The following TAFA1 variants were observed in gnomAD, a reference collection of about 807,000 sequenced individuals.
TAFA1 encodes the protein chemokine-like protein TAFA-1.
Under a neutral mutation model 18.5 loss-of-function variants are expected in TAFA1, and 4 were observed. The observed-to-expected ratio is 0.22, with a 90% CI of 0.11 to 0.49. The LOEUF is 0.49. Among genes scored for constraint, TAFA1 ranks in the 20% least tolerant of loss-of-function variants. TAFA1 has a pLI of 0.98. For missense variants in TAFA1, 147 were observed against 169.0 expected (o/e 0.87, Z 0.72); for synonymous variants, 56 against 55.2 (o/e 1.01, Z -0.06).
intron 2 of TAFA1, among the ~76,000 whole-genome samples, chr3:68,190,648 C>T (rs1251325573): frequency 2.6e-5 from 4 of 151,704 alleles, no homozygotes. Context: ...TTCTGCTGCA[C>T]ATTAAATTTG....
chr3:68,173,176 T>A (rs559472518), intron 2 of TAFA1, among the ~76,000 whole-genome samples: 1 of 152,018 alleles, frequency 6.6e-6, no homozygotes, highest in East Asian at 1.9e-4. Flanking sequence ...CAATTCCTAC[T>A]CTGAAAAAAA....
At chr3:68,199,150 T>C (rs13097089) in intron 2 of TAFA1, among the ~76,000 whole-genome samples, 5 of 151,474 alleles carry the variant, frequency 3.3e-5, no homozygotes, top group African/African-American at 1.2e-4. Context: ...TGTATTTCCT[T>C]TGTTCATTGT....
At chr3:68,363,837 G>A (rs2069518175) in intron 2 of TAFA1, among the ~76,000 whole-genome samples, 3 of 152,028 alleles carry the variant, frequency 2.0e-5, no homozygotes, top group Non-Finnish European at 4.4e-5. Context: ...GCAAACTGAA[G>A]ACACAGGCAG....
chr3:68,206,290 A>C (rs547103943), intron 2 of TAFA1, among the ~76,000 whole-genome samples: 1 of 152,048 alleles, frequency 6.6e-6, no homozygotes, highest in Non-Finnish European at 1.5e-5. Flanking sequence ...AAAAAAAAGA[A>C]TATGTAGAAT....
At chr3:68,337,182 C>T (rs2068985856) in intron 2 of TAFA1, among the ~76,000 whole-genome samples, 1 of 152,114 alleles carries the variant, frequency 6.6e-6, no homozygotes, top group Admixed American at 6.6e-5. Context: ...CTCACGGTTC[C>T]ACACACTATA....
At chr3:68,419,861 C>T (rs12488549) in intron 3 of TAFA1, among the ~76,000 whole-genome samples, 28,580 of 152,114 alleles carry the variant, frequency 0.19, 3,275 homozygotes, top group Admixed American at 0.25. Flanking sequence ...AAAGGAAATT[C>T]AGCCAAACCT....
At chr3:68,462,769 T>C (rs139357257) in intron 3 of TAFA1, among the ~76,000 whole-genome samples, 1 of 152,308 alleles carries the variant, frequency 6.6e-6, no homozygotes, top group East Asian at 1.9e-4. Flanking sequence ...TCTCCTTTGA[T>C]AGTAACCAGG....
chr3:68,334,354 TTTG>T (rs146423738), intron 2 of TAFA1, among the ~76,000 whole-genome samples: 7,680 of 150,242 alleles, frequency 0.051, 231 homozygotes, highest in African/African-American at 0.089. Context: ...CTATATTTCT[TTTG>T]TTGTTGTTGT....
At chr3:68,170,190 T>G (rs2106957102) in intron 2 of TAFA1, among the ~76,000 whole-genome samples, 1 of 152,244 alleles carries the variant, frequency 6.6e-6, no homozygotes, top group South Asian at 2.1e-4. Flanking sequence ...TGAAAACCAA[T>G]AGACACACAA....
Position 68,544,551 on chromosome 3 carries a change from A to G in TAFA1, c.*48A>G, listed in dbSNP as rs375119680. On this transcript the variant is annotated 3_prime_UTR_variant, in exon 5 of 5. Transcript: ENST00000478136. ...GGAAAACCAACCCTCTGGAAAATAC[A>G]TTTTGAGAATCTCAAACATCTCACA... 39 of 1,591,390 alleles carry G rather than the reference A, an allele frequency of 2.5e-5. No individual in the cohort carries two copies. The African/African-American group carries it at 2.5e-4, about 10-fold the overall frequency.
intron 2 of TAFA1, among the ~76,000 whole-genome samples, chr3:68,333,667 A>G (rs1221491562): frequency 6.6e-6 from 1 of 152,182 alleles, no homozygotes; most frequent in Non-Finnish European, 1.5e-5. Flanking sequence ...TAACAATCCC[A>G]TTTGTGGTTG....
chr3:68,103,420 C>G (rs2065171077), intron 2 of TAFA1, among the ~76,000 whole-genome samples: 1 of 152,106 alleles, frequency 6.6e-6, no homozygotes, highest in South Asian at 2.1e-4. Flanking sequence ...GCTGTTCATT[C>G]CTAAGTTCAG....
chr3:68,279,786 T>G (rs2067866940), intron 2 of TAFA1, among the ~76,000 whole-genome samples: 1 of 152,202 alleles, frequency 6.6e-6, no homozygotes, highest in Non-Finnish European at 1.5e-5. Flanking sequence ...GCTAGGTTTG[T>G]AAGTATAACA....
chr3:68,169,525 A>G (rs561514692), intron 2 of TAFA1, among the ~76,000 whole-genome samples: 1 of 152,370 alleles, frequency 6.6e-6, no homozygotes, highest in South Asian at 2.1e-4. Context: ...TATTTAGTAG[A>G]TAGAACTTTA....
chr3:68,177,636 A>G (rs963905492), intron 2 of TAFA1, among the ~76,000 whole-genome samples: 1 of 152,144 alleles, frequency 6.6e-6, no homozygotes, highest in African/African-American at 2.4e-5. Flanking sequence ...GAAACTCCTA[A>G]TTTTCCACAA....
chr3:68,484,408 GA>G (rs1388453634), intron 3 of TAFA1, among the ~76,000 whole-genome samples: 2 of 152,202 alleles, frequency 1.3e-5, no homozygotes, highest in Non-Finnish European at 2.9e-5. Flanking sequence ...GGTGAAAGGG[GA>G]TGAGCCAGGG....
chr3:68,112,787 A>C (rs1362219980), intron 2 of TAFA1, among the ~76,000 whole-genome samples: 1 of 147,552 alleles, frequency 6.8e-6, no homozygotes, highest in Non-Finnish European at 1.5e-5. Flanking sequence ...AAATAAACAG[A>C]AAAAAATGAA....
chr3:68,320,986 C>T (rs2106705520), intron 2 of TAFA1, among the ~76,000 whole-genome samples: 1 of 152,242 alleles, frequency 6.6e-6, no homozygotes, highest in South Asian at 2.1e-4. Flanking sequence ...TAGACGTTTC[C>T]ACTTTTCATA....
chr3:68,317,589 T>C (rs2068623672), intron 2 of TAFA1, among the ~76,000 whole-genome samples: 1 of 152,196 alleles, frequency 6.6e-6, no homozygotes, highest in Admixed American at 6.5e-5. Context: ...AAGTGTGCTC[T>C]GTTTTGCCTC....
Sources: gnomAD v4.1 joint callset for allele counts (sites outside exome capture counted in the v4.1 genomes callset) on GRCh38, gnomAD v4.1.1 for gene constraint, MANE v1.5 for transcripts, NCBI Gene and HGNC (gene_info 2026-07-23, HGNC 2026-07-21) for gene names.